The following TCF7L2 variants were observed in gnomAD, a reference collection of about 807,000 sequenced individuals.
TCF7L2 encodes transcription factor 7-like 2.
Under a neutral mutation model 77.9 loss-of-function variants are expected in TCF7L2, and 23 were observed. That is an observed-to-expected ratio of 0.30 (90% CI 0.21 to 0.42). TCF7L2 has a LOEUF of 0.42. Ranked by LOEUF, TCF7L2 falls within the 10% of genes least tolerant of loss-of-function variation. The probability of loss-of-function intolerance (pLI) is 1.00; values close to 1 mark genes in which losing one functional copy is unlikely to be tolerated. For synonymous variants in TCF7L2, 413 were observed against 340.2 expected, an observed-to-expected ratio of 1.21 and a Z score of -2.36; for missense variants, 654 against 793.1, an observed-to-expected ratio of 0.82 and a Z score of 2.11.
intron 5 of TCF7L2, among the ~76,000 whole-genome samples, chr10:113,061,818 T>C (rs1389990481): frequency 6.6e-6 from 1 of 152,090 alleles, no homozygotes; most frequent in Non-Finnish European, 1.5e-5. Flanking sequence ...AGGTGAGGAG[T>C]TAAAAGTTGG....
intron 5 of TCF7L2, among the ~76,000 whole-genome samples, chr10:113,068,164 C>G (rs1162107923): frequency 6.6e-6 from 1 of 152,210 alleles, no homozygotes; most frequent in Non-Finnish European, 1.5e-5. Flanking sequence ...CACGTGAAAA[C>G]ACTCTAGATA....
intron 5 of TCF7L2, chr10:113,089,379 C>T (rs778785150): frequency 1.2e-6 from 2 of 1,609,958 alleles, no homozygotes; most frequent in African/African-American, 2.7e-5. Flanking sequence ...TTACTCTGTT[C>T]CCCTTTCTTC....
At chr10:112,985,099 C>T (rs1413249036) in intron 4 of TCF7L2, among the ~76,000 whole-genome samples, 2 of 147,686 alleles carry the variant, frequency 1.4e-5, no homozygotes, top group Non-Finnish European at 3.1e-5. Context: ...ACACAATGGC[C>T]CATGCTAAGG....
rs191535916 is a variant in TCF7L2, at chr10:113,093,031, T to C, written c.553-48153T>C. 3.2e-4 allele frequency among the ~76,000 whole-genome samples: 49 copies of C among 152,316 alleles called. 1 individual carries two copies. The Middle Eastern group carries it at 0.014, about 42-fold the overall frequency. On this transcript the variant is annotated intron_variant, in intron 5 of 13. Coordinates refer to ENST00000627217, the MANE Select transcript of TCF7L2 (RefSeq NM_001146274.2). ...AACACTCACTTTTTTGGCAAGGTGC[T>C]TCCCCGCTCCGTGATGCAATTCTTG...
At chr10:113,000,816 C>T (rs2044329576) in intron 4 of TCF7L2, among the ~76,000 whole-genome samples, 1 of 152,140 alleles carries the variant, frequency 6.6e-6, no homozygotes, top group Middle Eastern at 3.2e-3. Context: ...CTGCACTATT[C>T]CAGTCGGACA....
intron 5 of TCF7L2, among the ~76,000 whole-genome samples, chr10:113,042,875 G>T (rs1237300781): frequency 1.3e-5 from 2 of 152,130 alleles, no homozygotes; most frequent in Non-Finnish European, 2.9e-5. Context: ...ACATCATTTG[G>T]GTCTTTGTAC....
intron 5 of TCF7L2, chr10:113,126,733 C>T: frequency 1.0e-6 from 1 of 985,768 alleles, no homozygotes; most frequent in South Asian, 4.7e-5. Flanking sequence ...CCCTGTGCCG[C>T]GGGTGCGCGG....
intron 5 of TCF7L2, among the ~76,000 whole-genome samples, chr10:113,074,799 G>A (rs2058509199): frequency 6.6e-6 from 1 of 152,184 alleles, no homozygotes; most frequent in Admixed American, 6.5e-5. Flanking sequence ...TTGTTCCCCA[G>A]GAGACATCTG....
At chr10:113,050,616 G>C (rs569053231) in intron 5 of TCF7L2, among the ~76,000 whole-genome samples, 2 of 152,300 alleles carry the variant, frequency 1.3e-5, no homozygotes, top group South Asian at 4.1e-4. Flanking sequence ...GGAGTATTCA[G>C]TTGGAACTCA....
intron 5 of TCF7L2, among the ~76,000 whole-genome samples, chr10:113,103,898 T>C (rs915010404): frequency 1.3e-5 from 2 of 152,190 alleles, no homozygotes; most frequent in African/African-American, 4.8e-5. Context: ...GCCAGGCCTT[T>C]TTCCAGGTCA....
intron 5 of TCF7L2, among the ~76,000 whole-genome samples, chr10:113,076,097 C>G (rs2058662393): frequency 7.0e-6 from 1 of 142,796 alleles, no homozygotes; most frequent in Non-Finnish European, 1.5e-5. Context: ...AATCACGCCA[C>G]TGCACTCCAG....
At chr10:113,018,241 T>G (rs2047671244) in intron 4 of TCF7L2, among the ~76,000 whole-genome samples, 1 of 152,116 alleles carries the variant, frequency 6.6e-6, no homozygotes, top group Non-Finnish European at 1.5e-5. Flanking sequence ...CACCCACTCT[T>G]AAGAGGTGGG....
At chr10:112,959,636 G>A (rs561922968) in intron 3 of TCF7L2, among the ~76,000 whole-genome samples, 22 of 152,168 alleles carry the variant, frequency 1.4e-4, no homozygotes, top group Non-Finnish European at 2.4e-4. Flanking sequence ...CAAGTACCAG[G>A]CAATGCTGGT....
chr10:113,041,956 T>G (rs1412661386), intron 5 of TCF7L2, among the ~76,000 whole-genome samples: 3 of 152,208 alleles, frequency 2.0e-5, no homozygotes, highest in Non-Finnish European at 4.4e-5. Context: ...AGAGAAGATG[T>G]GAATCCTGGC....
chr10:113,048,433 C>T (rs926986549), intron 5 of TCF7L2, among the ~76,000 whole-genome samples: 4 of 152,058 alleles, frequency 2.6e-5, no homozygotes, highest in African/African-American at 4.8e-5. Context: ...AATGGTGCTT[C>T]GTTAATTAAG....
chr10:113,032,966 G>A (rs2134109137), intron 4 of TCF7L2, among the ~76,000 whole-genome samples: 1 of 152,234 alleles, frequency 6.6e-6, no homozygotes, highest in South Asian at 2.1e-4. Context: ...AGAGATAGAA[G>A]ATAAGGCTAT....
chr10:113,064,213 C>T (rs371461385), intron 5 of TCF7L2, among the ~76,000 whole-genome samples: 21 of 152,228 alleles, frequency 1.4e-4, no homozygotes, highest in Middle Eastern at 3.4e-3. Flanking sequence ...TCAAGCTAGC[C>T]GGAAGGAGCC....
chr10:113,125,192 A>G (rs1308305779), intron 5 of TCF7L2, among the ~76,000 whole-genome samples: 7 of 152,030 alleles, frequency 4.6e-5, no homozygotes, highest in African/African-American at 7.2e-5. Flanking sequence ...ATTATCCCAG[A>G]TGGGACGAAT....
rs567623235 is a variant in TCF7L2 at position 113,155,765 on chromosome 10, C to G, written c.1270-2256C>G. ...GGCTCCTAAATGAACCGAAACTAGG[C>G]CCGCCTGCCTGTTCCAGGATAGCCA... On this transcript the variant is annotated intron_variant, in intron 11 of 13. Transcript: ENST00000627217. Among the ~76,000 whole-genome samples, 26 of 152,344 alleles carry G rather than the reference C, an allele frequency of 1.7e-4. No homozygotes were observed. The East Asian group carries it at 5.0e-3, about 29-fold the overall frequency.
Sources: allele counts gnomAD v4.1 joint callset (sites outside exome capture counted in the v4.1 genomes callset), GRCh38; gene constraint gnomAD v4.1.1; transcripts MANE v1.5; gene names NCBI Gene and HGNC (gene_info 2026-07-23, HGNC 2026-07-21).